The following CBL variants were observed in gnomAD, a reference collection of about 807,000 sequenced individuals.
CBL encodes the protein E3 ubiquitin-protein ligase CBL.
Under a neutral mutation model 96.9 loss-of-function variants are expected in CBL, and 45 were observed. The observed-to-expected ratio is 0.46, with a 90% CI of 0.37 to 0.60. The LOEUF is 0.60. Ranked by LOEUF, CBL falls within the 20% of genes least tolerant of loss-of-function variation. CBL has a pLI of 0.00. For missense variants in CBL, 1,024 were observed against 1,143.5 expected (o/e 0.90, Z 1.51); for synonymous variants, 420 against 426.8 (o/e 0.98, Z 0.20).
chr11:119,259,886 T>C (rs1949740360), intron 2 of CBL, among the ~76,000 whole-genome samples: 1 of 152,212 alleles, frequency 6.6e-6, no homozygotes, highest in Non-Finnish European at 1.5e-5. Flanking sequence ...TATTGTTCTT[T>C]TGTATCCTTC....
chr11:119,222,442 T>C (rs765514537), intron 1 of CBL, among the ~76,000 whole-genome samples: 3 of 152,340 alleles, frequency 2.0e-5, no homozygotes, highest in African/African-American at 7.2e-5. Flanking sequence ...AAAGCTATTA[T>C]GAATGGAGTG....
chr11:119,234,133 A>C (rs1387534003), intron 2 of CBL, among the ~76,000 whole-genome samples: 1 of 152,004 alleles, frequency 6.6e-6, no homozygotes, highest in East Asian at 1.9e-4. Context: ...CAGCCTCCTT[A>C]GTAGCTGGGA....
At chr11:119,297,992 C>T (rs1283752764) in intron 14 of CBL, among the ~76,000 whole-genome samples, 1 of 152,082 alleles carries the variant, frequency 6.6e-6, no homozygotes, top group Non-Finnish European at 1.5e-5. Flanking sequence ...GTTAACTAGC[C>T]TACCAGATTG....
intron 11 of CBL, 148 bp downstream of exon 11, chr11:119,285,714 A>G (rs1949980064): frequency 4.6e-6 from 4 of 875,214 alleles, no homozygotes; most frequent in Non-Finnish European, 5.4e-6. Flanking sequence ...TGGGGGACGT[A>G]GTGAAACCCT....
At chr11:119,275,641 A>G (rs932402644) in intron 5 of CBL, among the ~76,000 whole-genome samples, 1 of 152,134 alleles carries the variant, frequency 6.6e-6, no homozygotes, top group African/African-American at 2.4e-5. Flanking sequence ...AGGTGGGCAG[A>G]TACTTGAGAT....
rs1950096775 is a variant in CBL at position 119,300,820 on chromosome 11, GA to G, written c.*1040del. The G allele has an allele frequency of 2.8e-6, 1 of 360,196 alleles. No homozygotes were observed. The highest frequency in any genetic ancestry group is 4.7e-5 in the Admixed American group (1 of 21,486). The allele number at this position is 360,196 out of a possible 1,614,324, so 22.3% of individuals were successfully genotyped here. On this transcript the variant is annotated 3_prime_UTR_variant, in exon 16 of 16. Coordinates refer to ENST00000264033, the MANE Select transcript of CBL (RefSeq NM_005188.4). Reference sequence around the variant, plus strand: ...AGGGAAGAACATTTGTTTCCAGGATGACTTTCTGGCCAGAATACCGGAAAGC... The same window carrying G: ...AGGGAAGAACATTTGTTTCCAGGATGCTTTCTGGCCAGAATACCGGAAAGC...
At position 119,299,672 on chromosome 11, in the gene CBL, A is replaced by G. The variant is rs1237783221; in HGVS notation, c.2612A>G (p.Tyr871Cys). Reference sequence around the variant, plus strand: ...AACCTCATGAGTCAGGGGTACTCCTACCAGGACATCCAGAAAGCTTTGGTC... The same window carrying G: ...AACCTCATGAGTCAGGGGTACTCCTGCCAGGACATCCAGAAAGCTTTGGTC... The part of the protein sequence containing the change: ...IENLMSQGYS[Y>C]QDIQKALVIA... Residue 871 changes from tyrosine (Y) to cysteine (C), a missense_variant, in exon 16 of 16, where the codon TAC becomes TGC. By Grantham distance (194) the Tyr-to-Cys change is radical. Around this residue, in one of 4 missense-constraint regions of CBL, gnomAD observed 695 missense variants for 661.6 expected, o/e 1.05. Transcript: ENST00000264033. 1.9e-6 allele frequency: 3 copies of G among 1,614,210 alleles called. No individual in the cohort carries two copies. In the East Asian group the frequency reaches 6.7e-5, roughly 36 times the overall value.
Position 119,222,382 on chromosome 11 carries a change from A to G in CBL, c.196-10066A>G, listed in dbSNP as rs118052995. On this transcript the variant is annotated intron_variant, in intron 1 of 15. Coordinates refer to ENST00000264033, the MANE Select transcript of CBL (RefSeq NM_005188.4). ...TCATAACACTTTCCAAATTTTTTCT[A>G]TTGACCATTGAGTCTTGGCAGAAGC... Among the ~76,000 whole-genome samples, 87 of 152,286 alleles carry G rather than the reference A, an allele frequency of 5.7e-4. 1 individual carries two copies. In the East Asian group the frequency reaches 0.013, roughly 22 times the overall value.
chr11:119,278,832 A>G, intron 9 of CBL, 119 bp downstream of exon 9: 1 of 791,330 alleles, frequency 1.3e-6, no homozygotes, highest in East Asian at 2.6e-5. Flanking sequence ...ATATTTATTG[A>G]GCATTTACTA....
At chr11:119,270,999 C>T (rs1029750214) in intron 2 of CBL, among the ~76,000 whole-genome samples, 1 of 152,182 alleles carries the variant, frequency 6.6e-6, no homozygotes, top group African/African-American at 2.4e-5. Context: ...GTTAGCATCT[C>T]ATTTTTGGTA....
Position 119,299,617 on chromosome 11 carries a change from G to A in CBL, c.2557G>A (p.Ala853Thr), listed in dbSNP as rs1393832618. The A allele has an allele frequency of 1.9e-6, 3 of 1,614,030 alleles. No individual in the cohort carries two copies. Among genetic ancestry groups the A allele is most frequent in the Non-Finnish European group, 8.5e-7 (1 of 1,180,036 alleles). The part of the protein sequence containing the change: ...GSGPAASAAT[A>T]SPQLSSEIEN... Reference sequence around the variant, plus strand: ...TGGTCCTGCCGCCTCTGCTGCCACCGCCTCACCTCAGCTCTCCAGTGAGAT... The same window carrying A: ...TGGTCCTGCCGCCTCTGCTGCCACCACCTCACCTCAGCTCTCCAGTGAGAT... Residue 853 changes from alanine (A) to threonine (T), a missense_variant, in exon 16 of 16, where the codon GCC (alanine) becomes ACC (threonine). This residue lies in a region of CBL where 695 missense variants were observed against 661.6 expected (regional missense o/e 1.05). Coordinates refer to ENST00000264033, the MANE Select transcript of CBL (RefSeq NM_005188.4).
In CBL at chr11:119,219,844, C is replaced by T. The variant is rs1285786267; in HGVS notation, c.196-12604C>T. 5.9e-5 allele frequency among the ~76,000 whole-genome samples: 8 copies of T among 135,620 alleles called. No homozygotes were observed. In the South Asian group the frequency reaches 8.0e-4, roughly 14 times the overall value. The allele number at this position is 135,620 out of a possible 152,430, so 89.0% of individuals were successfully genotyped here. A position where few individuals can be genotyped will look rare whatever the true frequency, so the allele number is the denominator to read the frequency against. On this transcript the variant is annotated intron_variant, in intron 1 of 15. Coordinates refer to ENST00000264033, the MANE Select transcript of CBL (RefSeq NM_005188.4). Reference sequence around the variant, plus strand: ...GATTATAGGTGGGCACCACCACGCCCGACTATTTTTTTTTTTTTTTTTTGA... The same window carrying T: ...GATTATAGGTGGGCACCACCACGCCTGACTATTTTTTTTTTTTTTTTTTGA...
chr11:119,306,578 C>T lies in CBL; in HGVS notation c.*6797C>T. 2.6e-6 allele frequency: 1 copy of T among 388,538 alleles called. No individual in the cohort carries two copies. Among genetic ancestry groups the T allele is most frequent in the East Asian group, 3.6e-5 (1 of 27,494 alleles). 24.1% of individuals were successfully genotyped at this position (388,538 alleles called of 1,614,324 possible). On this transcript the variant is annotated 3_prime_UTR_variant, in exon 16 of 16. Coordinates refer to ENST00000264033, the MANE Select transcript of CBL (RefSeq NM_005188.4). ...TGTCAGCTCCCTCCTCTCTACCTAC[C>T]TCTGACCTTCTTGTGGGTGAGGGTG... is the stretch of plus-strand genomic sequence containing the variant.
rs1950109214 is a variant in CBL at position 119,302,620 on chromosome 11, T to A, written c.*2839T>A. ...GCCAGTCTCATGCTTTCCCTGGGTC[T>A]TCACGGATTGCTTTCCAAGCTGCCT... On this transcript the variant is annotated 3_prime_UTR_variant, in exon 16 of 16. Coordinates refer to ENST00000264033, the MANE Select transcript of CBL (RefSeq NM_005188.4). The A allele has an allele frequency of 4.3e-6, 1 of 231,338 alleles. No homozygotes were observed. The highest frequency in any genetic ancestry group is 5.6e-5 in the Admixed American group (1 of 17,724). The allele number at this position is 231,338 out of a possible 1,614,324, so 14.3% of individuals were successfully genotyped here. A position where few individuals can be genotyped will look rare whatever the true frequency, so the allele number is the denominator to read the frequency against.
At chr11:119,295,180 T>A (rs1169797847) in intron 12 of CBL, among the ~76,000 whole-genome samples, 1 of 152,190 alleles carries the variant, frequency 6.6e-6, no homozygotes, top group African/African-American at 2.4e-5. Context: ...CATTATTATT[T>A]GGTATTGAAG....
chr11:119,236,558 A>C (rs1456667452), intron 2 of CBL, among the ~76,000 whole-genome samples: 1 of 149,642 alleles, frequency 6.7e-6, no homozygotes, highest in Non-Finnish European at 1.5e-5. Context: ...CTATAGCCAT[A>C]TAAACATATA....
chr11:119,271,992 T>C (rs1478975121), intron 3 of CBL, 111 bp downstream of exon 3: 3 of 956,364 alleles, frequency 3.1e-6, no homozygotes, highest in Non-Finnish European at 4.9e-6. Context: ...AGAAAAGTAA[T>C]ATATGTGTAT....
intron 2 of CBL, among the ~76,000 whole-genome samples, chr11:119,252,637 C>T (rs971763305): frequency 2.0e-5 from 3 of 152,146 alleles, no homozygotes; most frequent in African/African-American, 7.2e-5. Context: ...GGGTGGATCA[C>T]CTGAGGTCAG....
chr11:119,262,698 T>C (rs1178777756), intron 2 of CBL, among the ~76,000 whole-genome samples: 1 of 152,212 alleles, frequency 6.6e-6, no homozygotes, highest in Non-Finnish European at 1.5e-5. Flanking sequence ...CTTAAGGAGT[T>C]GTCTTCCAGA....
Sources: allele counts gnomAD v4.1 joint callset (sites outside exome capture counted in the v4.1 genomes callset), GRCh38; gene constraint gnomAD v4.1.1; regional missense constraint gnomAD v4.1.1; transcripts MANE v1.5; gene names NCBI Gene and HGNC (gene_info 2026-07-23, HGNC 2026-07-21).